The following C2orf92 variants were observed in gnomAD, a reference collection of about 807,000 sequenced individuals.
The protein encoded by C2orf92 is uncharacterized protein C2orf92.
chr2:97,684,180 C>T (rs1559301284), intron 3 of C2orf92, among the ~76,000 whole-genome samples: 3 of 152,082 alleles, frequency 2.0e-5, no homozygotes, highest in South Asian at 2.1e-4. Context: ...GGACTACAGG[C>T]GCCCGCCACC....
rs1048541852 is a variant in C2orf92, at chr2:97,701,219, G to A, written c.580G>A (p.Ala194Thr). The change falls in exon 7 of 8, where the codon GCC (alanine) becomes ACC (threonine). Residue 194 changes from alanine to threonine, a missense_variant. Transcript: ENST00000627399. Reference sequence around the variant, plus strand: ...CTTCCTGCAGAGGAACACCATCATCGCCGCCGTCTCAGGGGTGGCCATCCT... The same window carrying A: ...CTTCCTGCAGAGGAACACCATCATCACCGCCGTCTCAGGGGTGGCCATCCT... ...LHFLQRNTII[A>T]AVSGVAILMA... The A allele has an allele frequency of 2.3e-5, 9 of 398,952 alleles. No homozygotes were observed. Among genetic ancestry groups the A allele is most frequent in the African/African-American group, 8.2e-5 (4 of 48,642 alleles). The allele number at this position is 398,952 out of a possible 1,614,324, so 24.7% of individuals were successfully genotyped here. A position where few individuals can be genotyped will look rare whatever the true frequency, so the allele number is the denominator to read the frequency against.
chr2:97,701,332 C>G (rs1246209538), intron 7 of C2orf92, 28 bp downstream of exon 7: 2 of 398,586 alleles, frequency 5.0e-6, no homozygotes, highest in Non-Finnish European at 8.9e-6. Flanking sequence ...AACCTTCCTT[C>G]CAAGAACCCG....
At chr2:97,699,318 G>A (rs181840852) in intron 6 of C2orf92, among the ~76,000 whole-genome samples, 182 bp downstream of exon 6, 3 of 152,230 alleles carry the variant, frequency 2.0e-5, no homozygotes, top group Admixed American at 1.3e-4. Flanking sequence ...TCCAGAGGCC[G>A]GGCACGGTGG....
chr2:97,673,906 T>C (rs746315341), intron 1 of C2orf92, among the ~76,000 whole-genome samples: 1 of 152,192 alleles, frequency 6.6e-6, no homozygotes, highest in Non-Finnish European at 1.5e-5. Context: ...GCTTGGTTCC[T>C]CTGTACAATA....
At chr2:97,693,224 A>T (rs2104590388) in intron 5 of C2orf92, among the ~76,000 whole-genome samples, 1 of 152,166 alleles carries the variant, frequency 6.6e-6, no homozygotes, top group East Asian at 1.9e-4. Context: ...TTATCCATTT[A>T]TCTGTTGTTG....
chr2:97,669,587 T>C, upstream of C2orf92: 1 of 386,654 alleles, frequency 2.6e-6, no homozygotes. Flanking sequence ...AGGCAGTCAC[T>C]TCAGGGCCAC....
chr2:97,694,854 A>C (rs1676261264), intron 5 of C2orf92, among the ~76,000 whole-genome samples: 1 of 152,180 alleles, frequency 6.6e-6, no homozygotes, highest in African/African-American at 2.4e-5. Flanking sequence ...TACCAACAGC[A>C]CACAAGGGTT....
At chr2:97,673,979 T>C (rs938030688) in intron 1 of C2orf92, among the ~76,000 whole-genome samples, 2 of 152,216 alleles carry the variant, frequency 1.3e-5, no homozygotes, top group African/African-American at 4.8e-5. Context: ...GTTGCCATAG[T>C]TGCTGTACCG....
chr2:97,681,613 C>G lies in C2orf92; in HGVS notation c.232+5685C>G, dbSNP rs553446539. On this transcript the variant is annotated intron_variant, in intron 3 of 7. Coordinates refer to ENST00000627399, the MANE Select transcript of C2orf92 (RefSeq NM_001351368.2). ...TCTTCTCACGCCTGTAATCCCAGCA[C>G]TTTGGGAGGCCTAGGCGGGCGGATC... Among the ~76,000 whole-genome samples the G allele has an allele frequency of 4.6e-5, 7 of 152,332 alleles. No homozygotes were observed. The South Asian group carries it at 1.4e-3, about 32-fold the overall frequency.
At position 97,703,015 on chromosome 2, in the gene C2orf92, G is replaced by A. The variant is rs2290126; in HGVS notation, c.*214G>A. On this transcript the variant is annotated 3_prime_UTR_variant, in exon 8 of 8. Coordinates refer to ENST00000627399, the MANE Select transcript of C2orf92 (RefSeq NM_001351368.2). ...ACCGATGGCTGGCGTCGGTGAACCCGACAGACTATGGATTTATCATTTAAT... is the reference window on the plus strand; with the variant it reads ...ACCGATGGCTGGCGTCGGTGAACCCAACAGACTATGGATTTATCATTTAAT... The A allele has an allele frequency of 0.011, 4,173 of 380,484 alleles. 179 individuals are homozygous for A. The highest frequency in any genetic ancestry group is 0.11 in the East Asian group (2,883 of 26,696). The allele number at this position is 380,484 out of a possible 1,614,324, so 23.6% of individuals were successfully genotyped here. A position where few individuals can be genotyped will look rare whatever the true frequency, so the allele number is the denominator to read the frequency against.
intron 3 of C2orf92, among the ~76,000 whole-genome samples, chr2:97,685,426 C>T (rs1459736424): frequency 2.8e-5 from 4 of 144,118 alleles, no homozygotes; most frequent in Admixed American, 1.4e-4. Context: ...CCACCATGGC[C>T]GGCTAATTTT....
At chr2:97,676,609 C>T (rs560266095) in intron 3 of C2orf92, among the ~76,000 whole-genome samples, 7 of 151,264 alleles carry the variant, frequency 4.6e-5, no homozygotes, top group Non-Finnish European at 8.8e-5. Context: ...CCCCCCTCCC[C>T]GACACACGAC....
At chr2:97,694,930 A>T (rs1676264301) in intron 5 of C2orf92, among the ~76,000 whole-genome samples, 1 of 152,120 alleles carries the variant, frequency 6.6e-6, no homozygotes, top group African/African-American at 2.4e-5. Context: ...TTCAAGTACT[A>T]TTGGCCATTT....
chr2:97,694,415 A>ATTTTTTTTT (rs60768687), intron 5 of C2orf92: 1 of 129,940 alleles, frequency 7.7e-6, no homozygotes, highest in African/African-American at 2.9e-5. Context: ...CGCCCGGCTA[A>ATTTTTTTTT]TTTTTTTTTT....
At chr2:97,694,492 C>A (rs2104593534) in intron 5 of C2orf92, 1 of 151,090 alleles carries the variant, frequency 6.6e-6, no homozygotes, top group African/African-American at 2.4e-5. Context: ...GATCTCCTGA[C>A]CTCATGATCC....
At chr2:97,698,698 C>A (rs1323598029) in intron 5 of C2orf92, among the ~76,000 whole-genome samples, 3 of 152,064 alleles carry the variant, frequency 2.0e-5, no homozygotes, top group African/African-American at 7.2e-5. Flanking sequence ...CCAGGCCTAC[C>A]CCAGACCTAT....
At chr2:97,674,004 T>C (rs1042556204) in intron 1 of C2orf92, among the ~76,000 whole-genome samples, 1 of 152,218 alleles carries the variant, frequency 6.6e-6, no homozygotes, top group East Asian at 1.9e-4. Context: ...AGAATGCACC[T>C]GGCTGCAATT....
chr2:97,697,980 C>T (rs903964893), intron 5 of C2orf92: 7 of 151,826 alleles, frequency 4.6e-5, no homozygotes, highest in Non-Finnish European at 1.0e-4. Flanking sequence ...AGTTCTCTAT[C>T]TCTCTGTGAA....
rs188241485 is a variant in C2orf92, at chr2:97,699,665, A to G, written c.514+529A>G. ...GGAATTTCACCACTCTTCCAAAAAGATGCTACTTTTATATTGTTTCTATAC... is the reference window on the plus strand; with the variant it reads ...GGAATTTCACCACTCTTCCAAAAAGGTGCTACTTTTATATTGTTTCTATAC... On this transcript the variant is annotated intron_variant, in intron 6 of 7. Coordinates refer to ENST00000627399, the MANE Select transcript of C2orf92 (RefSeq NM_001351368.2). Among the ~76,000 whole-genome samples, 51 of 152,226 alleles carry G rather than the reference A, an allele frequency of 3.4e-4. 1 individual carries two copies. Among genetic ancestry groups the G allele is most frequent in the Admixed American group, 2.0e-3 (30 of 15,292 alleles).
Sources: gnomAD v4.1 joint callset for allele counts (sites outside exome capture counted in the v4.1 genomes callset) on GRCh38, gnomAD v4.1.1 for gene constraint, MANE v1.5 for transcripts, NCBI Gene and HGNC (gene_info 2026-07-23, HGNC 2026-07-21) for gene names.